ALPK1: variants seen among roughly 807,000 people sequenced by gnomAD.
The protein encoded by ALPK1 is alpha-protein kinase 1.
A neutral mutation model predicts 120.6 loss-of-function variants in ALPK1; 110 were observed. That is an observed-to-expected ratio of 0.91 (90% CI 0.78 to 1.07). The LOEUF (loss-of-function observed/expected upper bound fraction) is 1.07. ALPK1 is among the 50% of genes least tolerant of loss of function. ALPK1 has a pLI of 0.00. For synonymous variants in ALPK1, 582 were observed against 560.3 expected (o/e 1.04, Z -0.55); for missense variants, 1,498 against 1,483.9 (o/e 1.01, Z -0.16).
intron 1 of ALPK1, among the ~76,000 whole-genome samples, chr4:112,307,432 C>G (rs1011932277): frequency 2.0e-5 from 3 of 152,038 alleles, no homozygotes; most frequent in African/African-American, 4.8e-5. Flanking sequence ...AATCTGGGTG[C>G]TCCTGTATTG....
At chr4:112,429,733 G>T (rs796283635) in intron 10 of ALPK1, among the ~76,000 whole-genome samples, 2 of 151,626 alleles carry the variant, frequency 1.3e-5, no homozygotes, top group African/African-American at 4.8e-5. Context: ...CCAGGTACTG[G>T]GGAGGCTGAG....
intron 2 of ALPK1, among the ~76,000 whole-genome samples, chr4:112,373,376 G>A (rs1412176214): frequency 6.6e-6 from 1 of 152,174 alleles, no homozygotes. Flanking sequence ...CTTTTCCTAG[G>A]TAGGCAGGCT....
In ALPK1 at chr4:112,411,947, G is replaced by A; in HGVS notation, c.397G>A (p.Gly133Ser). The change falls in exon 5 of 16, where the codon GGT (glycine) becomes AGT (serine). Residue 133 changes from glycine (G) to serine (S), a missense_variant. Gly to Ser is a moderately conservative substitution (Grantham distance 56). Coordinates refer to ENST00000650871, the MANE Select transcript of ALPK1 (RefSeq NM_025144.4). ...VSGKLLQVAK[G>S]LHKLQPATPI... ...TGGAAAACTTCTGCAGGTCGCCAAA[G>A]GTCTCCACAAGTTGCAGCCAGCCAC... 1.9e-6 allele frequency: 3 copies of A among 1,614,176 alleles called. No homozygotes were observed. Among genetic ancestry groups the A allele is most frequent in the Non-Finnish European group, 1.7e-6 (2 of 1,180,016 alleles).
intron 5 of ALPK1, chr4:112,423,645 A>G (rs898538668): frequency 2.4e-5 from 12 of 508,334 alleles, no homozygotes; most frequent in African/African-American, 1.7e-4. Flanking sequence ...ACAGCCTGTT[A>G]GAAAAGTTTG....
At chr4:112,346,091 A>C (rs1279225270) in intron 2 of ALPK1, among the ~76,000 whole-genome samples, 1 of 152,156 alleles carries the variant, frequency 6.6e-6, no homozygotes, top group East Asian at 1.9e-4. Context: ...TCGAACTCCC[A>C]ACCTCAGGTG....
intron 4 of ALPK1, among the ~76,000 whole-genome samples, chr4:112,396,614 A>G (rs190903952): frequency 1.3e-5 from 2 of 152,164 alleles, no homozygotes; most frequent in Admixed American, 6.5e-5. Context: ...AACTTTTAGA[A>G]TTTTCTTTAT....
rs1027374363 is a variant in ALPK1, at chr4:112,314,683, T to A, written c.-152-1118T>A. Among the ~76,000 whole-genome samples, 5 of 152,052 alleles carry A rather than the reference T, an allele frequency of 3.3e-5. No homozygotes were observed. In the East Asian group the frequency reaches 5.8e-4, roughly 18 times the overall value. ...ATAGCAACAATGAAGGGCAGTGGGA[T>A]AATAGAATCTGGTGACATGAATTCC... is the stretch of plus-strand genomic sequence containing the variant. On this transcript the variant is annotated intron_variant, in intron 1 of 15. Transcript: ENST00000650871.
chr4:112,389,789 T>C (rs948354719), intron 4 of ALPK1, among the ~76,000 whole-genome samples: 1 of 152,194 alleles, frequency 6.6e-6, no homozygotes, highest in Non-Finnish European at 1.5e-5. Flanking sequence ...CTCTCTTCCC[T>C]GCTCTCAAAT....
At chr4:112,358,850 C>A in intron 2 of ALPK1, 1 of 791,398 alleles carries the variant, frequency 1.3e-6, no homozygotes, top group Admixed American at 1.7e-5. Context: ...CCCTGCAGGA[C>A]CACAAGGGTT....
intron 7 of ALPK1, 51 bp from the exon 8 acceptor site, chr4:112,426,416 T>C: frequency 7.2e-7 from 1 of 1,394,760 alleles, no homozygotes; most frequent in Non-Finnish European, 1.0e-6. Flanking sequence ...AGAGCACAGA[T>C]ACTAGCTGTT....
At chr4:112,373,738 TA>T (rs1051570785) in intron 2 of ALPK1, among the ~76,000 whole-genome samples, 2 of 151,952 alleles carry the variant, frequency 1.3e-5, no homozygotes, top group East Asian at 1.9e-4. Context: ...AAATTAAAAT[TA>T]AAAAAAGGTG....
At chr4:112,325,551 A>G (rs1729076595) in intron 2 of ALPK1, among the ~76,000 whole-genome samples, 1 of 152,328 alleles carries the variant, frequency 6.6e-6, no homozygotes, top group Middle Eastern at 3.4e-3. Context: ...TCACATTCAC[A>G]TTGATAATTG....
At position 112,367,924 on chromosome 4, in the gene ALPK1, C is replaced by T. The variant is rs536701100; in HGVS notation, c.-100-9754C>T. Among the ~76,000 whole-genome samples the T allele has an allele frequency of 7.9e-4, 120 of 152,096 alleles. No individual in the cohort carries two copies. In the Middle Eastern group the frequency reaches 0.014, roughly 17 times the overall value. ...TAATTATTTTTTTTTCTTTTGGAGA[C>T]GGAGTCTCACTCTGTTGCCCAGGCT... On this transcript the variant is annotated intron_variant, in intron 2 of 15. Transcript: ENST00000650871.
intron 1 of ALPK1, among the ~76,000 whole-genome samples, chr4:112,313,453 T>G (rs1458459812): frequency 6.6e-6 from 1 of 152,204 alleles, no homozygotes; most frequent in Non-Finnish European, 1.5e-5. Flanking sequence ...CCGGGCATGG[T>G]GGCTCACGCC....
intron 5 of ALPK1, among the ~76,000 whole-genome samples, chr4:112,419,349 T>G (rs1290086264): frequency 6.6e-6 from 1 of 152,190 alleles, no homozygotes; most frequent in Non-Finnish European, 1.5e-5. Flanking sequence ...GCATTAGGCC[T>G]TTAGGATAGT....
intron 4 of ALPK1, among the ~76,000 whole-genome samples, chr4:112,401,949 C>T (rs1387918972): frequency 6.6e-6 from 1 of 152,148 alleles, no homozygotes. Context: ...GAAAGGTCAG[C>T]TTTTTCTTCT....
intron 1 of ALPK1, among the ~76,000 whole-genome samples, chr4:112,315,309 T>C (rs1728586424): frequency 6.6e-6 from 1 of 152,222 alleles, no homozygotes; most frequent in African/African-American, 2.4e-5. Context: ...ATAGACTTTT[T>C]TAAAGTCAGT....
At chr4:112,369,661 T>C (rs1731316439) in intron 2 of ALPK1, among the ~76,000 whole-genome samples, 1 of 152,130 alleles carries the variant, frequency 6.6e-6, no homozygotes, top group Non-Finnish European at 1.5e-5. Flanking sequence ...CCAGCCTGGG[T>C]GACAGAGTGA....
chr4:112,323,519 C>A (rs1410507736), intron 2 of ALPK1, among the ~76,000 whole-genome samples: 1 of 152,106 alleles, frequency 6.6e-6, no homozygotes, highest in African/African-American at 2.4e-5. Flanking sequence ...TGCCACAAAT[C>A]TTAATCTTTA....
Sources: gnomAD v4.1 joint callset for allele counts (sites outside exome capture counted in the v4.1 genomes callset) on GRCh38, gnomAD v4.1.1 for gene constraint, MANE v1.5 for transcripts, NCBI Gene and HGNC (gene_info 2026-07-23, HGNC 2026-07-21) for gene names.